Variants in SKA2 observed in about 807,000 individuals in gnomAD.
SKA2 encodes spindle and kinetochore-associated protein 2.
In SKA2, 13 loss-of-function variants were observed where a neutral mutation model predicts 16.9. That is an observed-to-expected ratio of 0.77 (90% CI 0.50 to 1.22). The LOEUF (loss-of-function observed/expected upper bound fraction) is 1.22. Ranked by LOEUF, SKA2 falls within the 50% of genes most tolerant of loss-of-function variation. The pLI, the probability that SKA2 is intolerant of heterozygous loss-of-function variation, is 0.00. For missense variants in SKA2, 107 were observed against 139.7 expected, an observed-to-expected ratio of 0.77 and a Z score of 1.18; for synonymous variants, 47 against 48.5, an observed-to-expected ratio of 0.97 and a Z score of 0.13.
At chr17:59,154,951 CT>C (rs775286657) in intron 1 of SKA2, 179 bp downstream of exon 1, 3 of 1,613,932 alleles carry the variant, frequency 1.9e-6, no homozygotes, top group South Asian at 1.1e-5. Context: ...GATGTAACCC[CT>C]TACCCGAGGC....
At chr17:59,116,216 CA>C (rs2147793062) in intron 3 of SKA2, among the ~76,000 whole-genome samples, 2 of 151,930 alleles carry the variant, frequency 1.3e-5, no homozygotes, top group African/African-American at 4.8e-5. Flanking sequence ...ACTAAAAATA[CA>C]AAAAAATTAG....
intron 1 of SKA2, chr17:59,151,255 A>G (rs1428262432): frequency 8.2e-6 from 4 of 485,022 alleles, no homozygotes; most frequent in Middle Eastern, 3.2e-4. Context: ...AGCATCTTGC[A>G]TCGGTTGAAG....
intron 1 of SKA2, among the ~76,000 whole-genome samples, chr17:59,131,796 T>C (rs1338657775): frequency 1.3e-5 from 2 of 152,216 alleles, no homozygotes; most frequent in African/African-American, 4.8e-5. Context: ...CTCATATTGT[T>C]ACCTTTATTT....
intron 1 of SKA2, among the ~76,000 whole-genome samples, chr17:59,141,395 C>CTAAA (rs1343847951): frequency 5.3e-5 from 8 of 151,324 alleles, no homozygotes; most frequent in Non-Finnish European, 8.8e-5. Flanking sequence ...GACTCTGTCT[C>CTAAA]TAAATAAATA....
chr17:59,155,072 C>T, intron 1 of SKA2, 59 bp downstream of exon 1: 1 of 1,614,026 alleles, frequency 6.2e-7, no homozygotes, highest in Admixed American at 1.7e-5. Flanking sequence ...TGTGCCCCAC[C>T]TCCGAGGCCA....
intron 2 of SKA2, among the ~76,000 whole-genome samples, chr17:59,120,011 C>T (rs989191700): frequency 2.0e-5 from 3 of 151,684 alleles, no homozygotes; most frequent in Non-Finnish European, 4.4e-5. Flanking sequence ...CAGGTTCATG[C>T]CATTCTCCTG....
intron 3 of SKA2, among the ~76,000 whole-genome samples, chr17:59,118,769 T>C (rs1229958186): frequency 6.6e-6 from 1 of 152,208 alleles, no homozygotes; most frequent in Admixed American, 6.5e-5. Context: ...ATTCTATTTT[T>C]TCCCCTCCAT....
rs921072399 is a variant in SKA2 at position 59,112,015 on chromosome 17, C to T, written c.*262G>A. 3.8e-5 allele frequency: 13 copies of T among 344,036 alleles called. No individual in the cohort carries two copies. The highest frequency in any genetic ancestry group is 6.0e-5 in the Non-Finnish European group (11 of 182,466). The allele number at this position is 344,036 out of a possible 1,614,324, so 21.3% of individuals were successfully genotyped here. ...GAATTTCTGGCCTGAAATTACAAGA[C>T]TAAGTGTGTGTGTGCATGCGTGTGT... On this transcript the variant is annotated 3_prime_UTR_variant, in exon 4 of 4. Transcript: ENST00000330137.
At chr17:59,113,390 G>C (rs1008309138) in intron 3 of SKA2, among the ~76,000 whole-genome samples, 4 of 151,350 alleles carry the variant, frequency 2.6e-5, no homozygotes, top group African/African-American at 9.7e-5. Flanking sequence ...AGGCATGGTG[G>C]TATGCACCTG....
chr17:59,131,425 A>G (rs1209611649), intron 1 of SKA2, 58 bp from the exon 2 acceptor site: 6 of 1,139,104 alleles, frequency 5.3e-6, no homozygotes, highest in Non-Finnish European at 1.2e-6. Context: ...TAAACATGAT[A>G]CTTTATTCTT....
chr17:59,152,681 T>G (rs2046586622), intron 1 of SKA2, among the ~76,000 whole-genome samples: 1 of 152,148 alleles, frequency 6.6e-6, no homozygotes, highest in Non-Finnish European at 1.5e-5. Flanking sequence ...TCTTAAAATC[T>G]TATAAAATAA....
chr17:59,112,487 A>G (rs2046269849), intron 3 of SKA2, 142 bp from the exon 4 acceptor site: 3 of 606,806 alleles, frequency 4.9e-6, no homozygotes, highest in Non-Finnish European at 8.3e-6. Context: ...AAGGCAAGGG[A>G]AAAAACAGAT....
chr17:59,125,148 T>A (rs992745183), intron 2 of SKA2, among the ~76,000 whole-genome samples: 15 of 46,346 alleles, frequency 3.2e-4, no homozygotes, highest in Non-Finnish European at 4.9e-4. Flanking sequence ...TAATTTTGTA[T>A]TTTTTTTTTT....
At chr17:59,137,652 A>C (rs991912361) in intron 1 of SKA2, 2 of 393,590 alleles carry the variant, frequency 5.1e-6, no homozygotes, top group Non-Finnish European at 9.9e-6. Flanking sequence ...TAATAAATTA[A>C]AAATTTACAT....
chr17:59,120,059 C>A (rs1023046073), intron 2 of SKA2, among the ~76,000 whole-genome samples: 1 of 151,952 alleles, frequency 6.6e-6, no homozygotes, highest in African/African-American at 2.4e-5. Context: ...CAGGCGCCCG[C>A]CACCACGCCC....
chr17:59,137,422 T>C (rs991964614), intron 1 of SKA2, among the ~76,000 whole-genome samples: 1 of 152,186 alleles, frequency 6.6e-6, no homozygotes, highest in Admixed American at 6.5e-5. Flanking sequence ...GAACACAACA[T>C]GGTAGTATGG....
At chr17:59,114,322 G>A (rs955576188) in intron 3 of SKA2, among the ~76,000 whole-genome samples, 1 of 152,162 alleles carries the variant, frequency 6.6e-6, no homozygotes, top group African/African-American at 2.4e-5. Context: ...ACAGGAATAC[G>A]TTCTGAGAAA....
At chr17:59,141,366 C>A (rs2046487910) in intron 1 of SKA2, among the ~76,000 whole-genome samples, 1 of 152,028 alleles carries the variant, frequency 6.6e-6, no homozygotes, top group African/African-American at 2.4e-5. Flanking sequence ...CACTGCATTG[C>A]AGCCTGGCGA....
intron 1 of SKA2, among the ~76,000 whole-genome samples, chr17:59,136,573 G>A (rs1333343083): frequency 2.0e-5 from 3 of 149,922 alleles, no homozygotes; most frequent in African/African-American, 4.9e-5. Flanking sequence ...TGTTTGAGAC[G>A]GAGTCTCACT....
Sources: gnomAD v4.1 joint callset for allele counts (sites outside exome capture counted in the v4.1 genomes callset) on GRCh38, gnomAD v4.1.1 for gene constraint, MANE v1.5 for transcripts, NCBI Gene and HGNC (gene_info 2026-07-23, HGNC 2026-07-21) for gene names.